The following MSH4 variants were observed in gnomAD, a reference collection of about 807,000 sequenced individuals.
The protein encoded by MSH4 is mutS homolog 4, also known as mutS protein homolog 4.
MSH4 carries 106 observed loss-of-function variants against 113.7 expected under a neutral mutation model. That is an observed-to-expected ratio of 0.93 (90% CI 0.80 to 1.10). The LOEUF (loss-of-function observed/expected upper bound fraction) is 1.10, where lower values mean the gene tolerates loss of function less well. MSH4 is among the 50% of genes least tolerant of loss of function. MSH4 has a pLI of 0.00. For synonymous variants in MSH4, 368 were observed against 380.2 expected, an observed-to-expected ratio of 0.97 and a Z score of 0.37; for missense variants, 1,061 against 1,093.7, an observed-to-expected ratio of 0.97 and a Z score of 0.42.
chr1:75,860,357 T>C (rs1651428170), intron 8 of MSH4, among the ~76,000 whole-genome samples: 1 of 152,210 alleles, frequency 6.6e-6, no homozygotes. Context: ...TTCCATAGCA[T>C]TGATGGTCTT....
intron 8 of MSH4, among the ~76,000 whole-genome samples, chr1:75,858,498 C>T (rs140744932): frequency 2.6e-5 from 4 of 152,242 alleles, no homozygotes; most frequent in Admixed American, 2.6e-4. Flanking sequence ...TTTCTGAAGG[C>T]CTTTTCTGCA....
At chr1:75,807,503 A>C (rs1650095021) in intron 3 of MSH4, among the ~76,000 whole-genome samples, 1 of 152,220 alleles carries the variant, frequency 6.6e-6, no homozygotes, top group Non-Finnish European at 1.5e-5. Flanking sequence ...CCCGATGTTC[A>C]AATCTTGAAA....
At chr1:75,833,467 C>T (rs56249727) in intron 7 of MSH4, among the ~76,000 whole-genome samples, 3 of 152,226 alleles carry the variant, frequency 2.0e-5, no homozygotes, top group East Asian at 3.9e-4. Context: ...AAAAAGAGCT[C>T]GCATTAACTG....
At chr1:75,830,548 A>G (rs1459521992) in intron 7 of MSH4, among the ~76,000 whole-genome samples, 6 of 152,308 alleles carry the variant, frequency 3.9e-5, no homozygotes, top group Admixed American at 3.3e-4. Flanking sequence ...GAGAAAGGTC[A>G]GGTTACCCAC....
intron 7 of MSH4, among the ~76,000 whole-genome samples, chr1:75,824,650 A>G (rs1445558329): frequency 6.6e-6 from 1 of 152,192 alleles, no homozygotes; most frequent in African/African-American, 2.4e-5. Context: ...ATTTTTGTAT[A>G]AGGTGTAAGG....
chr1:75,829,672 CAG>C (rs1650638889), intron 7 of MSH4, among the ~76,000 whole-genome samples: 1 of 152,190 alleles, frequency 6.6e-6, no homozygotes, highest in African/African-American at 2.4e-5. Context: ...CCCAGGCAAA[CAG>C]GGTCTGGATA....
intron 7 of MSH4, among the ~76,000 whole-genome samples, chr1:75,827,914 T>G (rs1475824247): frequency 6.6e-6 from 1 of 152,184 alleles, no homozygotes. Flanking sequence ...AGTGGGAGAC[T>G]TTAATACCCA....
At chr1:75,912,290 T>C (rs1315346004) in intron 19 of MSH4, among the ~76,000 whole-genome samples, 1 of 152,082 alleles carries the variant, frequency 6.6e-6, no homozygotes, top group African/African-American at 2.4e-5. Flanking sequence ...TTTAAAAGTA[T>C]ATTACCACAT....
At chr1:75,889,224 A>C in intron 15 of MSH4, 27 bp from the exon 16 acceptor site, 3 of 1,000,222 alleles carry the variant, frequency 3.0e-6, no homozygotes, top group Non-Finnish European at 4.6e-6. Context: ...AACACATTTC[A>C]GTTTATCTTG....
At chr1:75,891,559 TCCTCCTGCCGCAG>T (rs1345559448) in intron 17 of MSH4, among the ~76,000 whole-genome samples, 1 of 152,096 alleles carries the variant, frequency 6.6e-6, no homozygotes, top group Non-Finnish European at 1.5e-5. Flanking sequence ...GCTCCAGCAA[TCCTCCTGCCGCAG>T]CCTCCTGAGT....
In MSH4 at chr1:75,896,394, C is replaced by CAT. The variant is rs571761055; in HGVS notation, c.2356-1513_2356-1512insAT. ...ACACACACACACACACACACACACA[C>CAT]CCTATTGGTCTCTTTCTCTGGAGAA... On this transcript the variant is annotated intron_variant, in intron 17 of 19. Coordinates refer to ENST00000263187, the MANE Select transcript of MSH4 (RefSeq NM_002440.4). Among the ~76,000 whole-genome samples, 915 of 147,282 alleles carry CAT rather than the reference C, an allele frequency of 6.2e-3. 16 individuals are homozygous for CAT. The highest frequency in any genetic ancestry group is 0.024 in the Middle Eastern group (7 of 286).
At chr1:75,832,917 G>T (rs1245755355) in intron 7 of MSH4, among the ~76,000 whole-genome samples, 1 of 152,124 alleles carries the variant, frequency 6.6e-6, no homozygotes, top group Admixed American at 6.6e-5. Context: ...TCAACATAGT[G>T]TTGGCAGTTC....
At chr1:75,892,781 A>T (rs5745518) in intron 17 of MSH4, among the ~76,000 whole-genome samples, 5 of 151,786 alleles carry the variant, frequency 3.3e-5, no homozygotes, top group African/African-American at 1.2e-4. Flanking sequence ...ACCAGGCATC[A>T]CATGTGTCCC....
intron 19 of MSH4, among the ~76,000 whole-genome samples, chr1:75,910,251 T>C (rs536001880): frequency 6.6e-6 from 1 of 152,198 alleles, no homozygotes; most frequent in South Asian, 2.1e-4. Context: ...ATAAAATCCT[T>C]TGTCCTTCTT....
At chr1:75,859,228 C>G (rs7526288) in intron 8 of MSH4, among the ~76,000 whole-genome samples, 114,521 of 152,016 alleles carry the variant, frequency 0.75, 43,274 homozygotes, top group East Asian at 0.98. Context: ...TGGATTCATT[C>G]ATTTTTTGAA....
At chr1:75,907,684 C>CTCTCTCTATATATATATATATATA (rs1307238647) in intron 19 of MSH4, among the ~76,000 whole-genome samples, 4 of 46,568 alleles carry the variant, frequency 8.6e-5, no homozygotes, top group African/African-American at 9.9e-5. Context: ...CTCTCTCTCT[C>CTCTCTCTATATATATATATATATA]TATACATATA....
At chr1:75,818,753 T>A (rs1036871797) in intron 6 of MSH4, among the ~76,000 whole-genome samples, 2 of 7,618 alleles carry the variant, frequency 2.6e-4, no homozygotes, top group Non-Finnish European at 1.4e-3. Context: ...GTATATTCCG[T>A]TTTTTTTGTT....
At chr1:75,873,344 A>T (rs1476308520) in intron 9 of MSH4, among the ~76,000 whole-genome samples, 1 of 152,238 alleles carries the variant, frequency 6.6e-6, no homozygotes, top group East Asian at 1.9e-4. Context: ...TAATTCAGCC[A>T]TGTGACTGTG....
intron 6 of MSH4, among the ~76,000 whole-genome samples, chr1:75,817,348 C>G (rs1005281481): frequency 6.6e-5 from 9 of 137,306 alleles, no homozygotes; most frequent in African/African-American, 2.4e-4. Flanking sequence ...CACTTCACAT[C>G]CATTAGGTTA....
Sources: gnomAD v4.1 joint callset for allele counts (sites outside exome capture counted in the v4.1 genomes callset) on GRCh38, gnomAD v4.1.1 for gene constraint, MANE v1.5 for transcripts, NCBI Gene and HGNC (gene_info 2026-07-23, HGNC 2026-07-21) for gene names.